KDM4C: variants seen among roughly 807,000 people sequenced by gnomAD.
KDM4C encodes the protein lysine demethylase 4C.
KDM4C carries 81 observed loss-of-function variants against 129.3 expected under a neutral mutation model. The ratio of observed to expected loss-of-function variants is 0.63; its 90% CI spans 0.52 to 0.75. The LOEUF is 0.75. KDM4C is among the 30% of genes least tolerant of loss of function. The pLI is 0.00. For missense variants in KDM4C, 1,457 were observed against 1,304.0 expected (o/e 1.12, Z -1.81); for synonymous variants, 573 against 456.1 (o/e 1.26, Z -3.26).
At chr9:6,859,591 C>T (rs1484006015) in intron 5 of KDM4C, among the ~76,000 whole-genome samples, 2 of 142,084 alleles carry the variant, frequency 1.4e-5, no homozygotes, top group South Asian at 2.3e-4. Context: ...TGGCTGGGCG[C>T]GGTGGCTCAC....
chr9:6,992,813 C>A (rs984010207), intron 12 of KDM4C, among the ~76,000 whole-genome samples: 9 of 152,168 alleles, frequency 5.9e-5, no homozygotes, highest in Non-Finnish European at 1.2e-4. Flanking sequence ...TATATTAGAG[C>A]ATAGGAGAAT....
intron 1 of KDM4C, among the ~76,000 whole-genome samples, chr9:6,728,916 A>C (rs1398112439): frequency 6.6e-6 from 1 of 151,868 alleles, no homozygotes; most frequent in Non-Finnish European, 1.5e-5. Flanking sequence ...TATGAAAAAA[A>C]GGAAGAAGGC....
intron 8 of KDM4C, among the ~76,000 whole-genome samples, chr9:6,905,883 T>A (rs1818225806): frequency 6.6e-6 from 1 of 152,182 alleles, no homozygotes; most frequent in Admixed American, 6.5e-5. Context: ...TATTTTATGT[T>A]CACATTGAGG....
chr9:7,126,153 C>T (rs143925778), intron 18 of KDM4C, among the ~76,000 whole-genome samples: 1 of 151,898 alleles, frequency 6.6e-6, no homozygotes, highest in African/African-American at 2.4e-5. Flanking sequence ...ATGTATATAC[C>T]CTGAGGCCTA....
At chr9:6,743,497 A>G (rs939026896) in intron 1 of KDM4C, among the ~76,000 whole-genome samples, 2 of 151,446 alleles carry the variant, frequency 1.3e-5, no homozygotes, top group Non-Finnish European at 2.9e-5. Context: ...GAATAACACA[A>G]TATTTTCTGC....
At chr9:6,858,307 G>A (rs184795075) in intron 5 of KDM4C, among the ~76,000 whole-genome samples, 110 of 152,016 alleles carry the variant, frequency 7.2e-4, no homozygotes, top group East Asian at 1.9e-4. Flanking sequence ...CCCTTAGGAT[G>A]CTTGCTGAAT....
intron 17 of KDM4C, among the ~76,000 whole-genome samples, chr9:7,052,793 A>G (rs1830324015): frequency 2.0e-5 from 3 of 149,652 alleles, no homozygotes; most frequent in South Asian, 2.1e-4. Context: ...CTGCTGCACC[A>G]GTTTCTTATG....
intron 1 of KDM4C, chr9:6,748,850 T>G (rs1201544684): frequency 4.6e-6 from 5 of 1,092,236 alleles, no homozygotes; most frequent in Non-Finnish European, 7.1e-6. Flanking sequence ...TGATACAGCC[T>G]TCTATCTGCA....
chr9:6,894,572 C>A (rs989210678), intron 8 of KDM4C, among the ~76,000 whole-genome samples: 1 of 152,194 alleles, frequency 6.6e-6, no homozygotes, highest in African/African-American at 2.4e-5. Context: ...TCAGAGTCAC[C>A]ACAAATATTG....
intron 8 of KDM4C, among the ~76,000 whole-genome samples, chr9:6,915,123 T>G (rs1820068360): frequency 6.6e-6 from 1 of 152,226 alleles, no homozygotes; most frequent in Non-Finnish European, 1.5e-5. Context: ...TTTTTTAGTT[T>G]GGAAAAATTT....
Position 6,984,244 on chromosome 9 carries a change from A to C in KDM4C, c.1194A>C (p.Ala398=). 1 of 1,614,000 alleles carries C rather than the reference A, an allele frequency of 6.2e-7. No homozygotes were observed. Among genetic ancestry groups the C allele is most frequent in the Non-Finnish European group, 8.5e-7 (1 of 1,179,890 alleles). The change falls in exon 10 of 22, where the codon GCA becomes GCC. Residue 398 remains alanine, a synonymous_variant. Transcript: ENST00000381309. ...AAGTGTCAGATGAAGTCGATGGGGC[A>C]GAGGTCCCTAACCCCGACTCAGTCA... ...EEEVSDEVDG[A]EVPNPDSVTD...
At chr9:6,960,309 G>A (rs1435220702) in intron 8 of KDM4C, among the ~76,000 whole-genome samples, 2 of 148,592 alleles carry the variant, frequency 1.3e-5, no homozygotes, top group African/African-American at 2.5e-5. Flanking sequence ...TTAAATACAG[G>A]GTCTCTGTCA....
At chr9:6,926,678 C>A (rs1822619143) in intron 8 of KDM4C, among the ~76,000 whole-genome samples, 1 of 152,202 alleles carries the variant, frequency 6.6e-6, no homozygotes. Context: ...CCTCCAGGCA[C>A]TGCTTATCAC....
intron 9 of KDM4C, among the ~76,000 whole-genome samples, chr9:6,983,697 T>C (rs1221672967): frequency 2.0e-5 from 3 of 152,012 alleles, no homozygotes; most frequent in African/African-American, 7.3e-5. Flanking sequence ...TACCTGACAA[T>C]TATACAAAAC....
upstream of KDM4C, among the ~76,000 whole-genome samples, chr9:6,756,678 T>C (rs1344801169): frequency 6.6e-6 from 1 of 152,282 alleles, no homozygotes; most frequent in East Asian, 1.9e-4. Context: ...GATAGCGCCA[T>C]TGCACTCCAA....
chr9:6,800,708 C>T (rs1487992246), intron 2 of KDM4C, among the ~76,000 whole-genome samples: 1 of 151,940 alleles, frequency 6.6e-6, no homozygotes. Context: ...CTCACTGCAG[C>T]CTTGTCCTCC....
intron 1 of KDM4C, among the ~76,000 whole-genome samples, chr9:6,769,735 C>T (rs1019094074): frequency 2.0e-5 from 3 of 152,150 alleles, no homozygotes; most frequent in South Asian, 4.1e-4. Flanking sequence ...ACAATGCCTC[C>T]TGCTCCAAGA....
chr9:7,149,476 G>C (rs935843743), intron 19 of KDM4C, among the ~76,000 whole-genome samples: 1 of 152,220 alleles, frequency 6.6e-6, no homozygotes, highest in Non-Finnish European at 1.5e-5. Flanking sequence ...CTCCCGCCCT[G>C]CCAGCTCAGT....
At chr9:6,842,490 A>G (rs1837139262) in intron 4 of KDM4C, among the ~76,000 whole-genome samples, 1 of 150,294 alleles carries the variant, frequency 6.7e-6, no homozygotes, top group Non-Finnish European at 1.5e-5. Context: ...CCACACCACC[A>G]CGCCTGGCTA....
Sources: allele counts gnomAD v4.1 joint callset (sites outside exome capture counted in the v4.1 genomes callset), GRCh38; gene constraint gnomAD v4.1.1; transcripts MANE v1.5; gene names NCBI Gene and HGNC (gene_info 2026-07-23, HGNC 2026-07-21).